SLC25A42: variants seen among roughly 807,000 people sequenced by gnomAD.
SLC25A42 encodes mitochondrial coenzyme A transporter SLC25A42.
In SLC25A42, 19 loss-of-function variants were observed where a neutral mutation model predicts 34.7. The ratio of observed to expected loss-of-function variants is 0.55; its 90% confidence interval spans 0.38 to 0.80. SLC25A42 has a LOEUF of 0.80. SLC25A42 is among the 30% of genes least tolerant of loss of function. SLC25A42 has a pLI of 0.00. For missense variants in SLC25A42, 364 were observed against 441.3 expected, an observed-to-expected ratio of 0.82 and a Z score of 1.57; for synonymous variants, 205 against 191.2, an observed-to-expected ratio of 1.07 and a Z score of -0.59.
chr19:19,105,193 G>A, intron 4 of SLC25A42: 1 of 582,810 alleles, frequency 1.7e-6, no homozygotes, highest in South Asian at 2.3e-5. Flanking sequence ...GTTAAACAGA[G>A]AGCAGGTGCT....
intron 2 of SLC25A42, among the ~76,000 whole-genome samples, chr19:19,098,068 C>A (rs2145917707): frequency 6.6e-6 from 1 of 152,314 alleles, no homozygotes; most frequent in Non-Finnish European, 1.5e-5. Flanking sequence ...GCCGACAAAT[C>A]CTTCTTTCGT....
At chr19:19,101,186 G>A (rs781463111) in intron 2 of SLC25A42, among the ~76,000 whole-genome samples, 1 of 152,174 alleles carries the variant, frequency 6.6e-6, no homozygotes, top group Non-Finnish European at 1.5e-5. Flanking sequence ...CCAGAGGACT[G>A]CAGAAAGCGA....
At chr19:19,098,463 G>T (rs754273047) in intron 2 of SLC25A42, among the ~76,000 whole-genome samples, 6 of 152,190 alleles carry the variant, frequency 3.9e-5, no homozygotes, top group Non-Finnish European at 7.3e-5. Flanking sequence ...GGGTGTGGTG[G>T]CACACATCTG....
chr19:19,068,247 C>T (rs751092200), intron 1 of SLC25A42, among the ~76,000 whole-genome samples: 2 of 151,052 alleles, frequency 1.3e-5, no homozygotes, highest in Non-Finnish European at 2.9e-5. Flanking sequence ...CCTAGCTACT[C>T]AGGAAGCTGA....
intron 2 of SLC25A42, among the ~76,000 whole-genome samples, chr19:19,097,849 G>A (rs1056222097): frequency 2.6e-5 from 4 of 152,100 alleles, no homozygotes; most frequent in Non-Finnish European, 4.4e-5. Flanking sequence ...TGTAATCCCA[G>A]CTCCGCATGA....
intron 1 of SLC25A42, among the ~76,000 whole-genome samples, chr19:19,086,982 G>A (rs896911278): frequency 3.3e-5 from 5 of 151,934 alleles, no homozygotes; most frequent in Admixed American, 2.6e-4. Context: ...GGGGGGGTGC[G>A]CTGGGTGGGG....
chr19:19,107,747 GGTT>G, intron 6 of SLC25A42, 144 bp from the exon 7 acceptor site: 1 of 749,550 alleles, frequency 1.3e-6, no homozygotes, highest in Non-Finnish European at 2.2e-6. Context: ...TGAGTGATGG[GGTT>G]ATATGTCTTG....
chr19:19,097,524 G>T (rs1568519320), intron 2 of SLC25A42, among the ~76,000 whole-genome samples: 2 of 152,344 alleles, frequency 1.3e-5, no homozygotes, highest in Admixed American at 6.5e-5. Flanking sequence ...GCAGAAATGC[G>T]CCAGTGCTGG....
At position 19,110,791 on chromosome 19, in the gene SLC25A42, A is replaced by G; in HGVS notation, c.872A>G (p.Asn291Ser). ...GGCCTCTACAAAGGCTTGAGCATGA[A>G]CTGGGTCAAGGGTCCCATCGCCGTG... ...VRGLYKGLSM[N>S]WVKGPIAVGI... The change falls in exon 8 of 8, where the codon AAC becomes AGC. Residue 291 changes from asparagine (N) to serine (S), a missense_variant. Physicochemically the swap from Asn to Ser is conservative, Grantham distance 46. Transcript: ENST00000318596. The G allele has an allele frequency of 6.2e-7, 1 of 1,613,808 alleles. No individual in the cohort carries two copies. The highest frequency in any genetic ancestry group is 8.5e-7 in the Non-Finnish European group (1 of 1,179,976).
At chr19:19,095,485 C>T (rs898557889) in intron 1 of SLC25A42, among the ~76,000 whole-genome samples, 5 of 152,036 alleles carry the variant, frequency 3.3e-5, no homozygotes, top group African/African-American at 9.7e-5. Flanking sequence ...TGGTAGCAGG[C>T]GCCTGTAGTC....
rs1194725533 is a variant in SLC25A42, at chr19:19,109,151, C to T, written c.649+1106C>T. On this transcript the variant is annotated intron_variant, in intron 7 of 7. Coordinates refer to ENST00000318596, the MANE Select transcript of SLC25A42 (RefSeq NM_178526.5). This position sits in a 1 kb window ranked among gnomAD's most constrained non-coding sequence, Gnocchi z 4.1. ...GCTCACCCGGGAGTGCAGCTCCCAG[C>T]TCAGCTGGTTTGGGGTGCATCCACC... Among the ~76,000 whole-genome samples the T allele has an allele frequency of 6.6e-6, 1 of 152,222 alleles. No homozygotes were observed. The highest frequency in any genetic ancestry group is 2.4e-5 in the African/African-American group (1 of 41,454).
chr19:19,103,027 C>T (rs374318650), intron 3 of SLC25A42, among the ~76,000 whole-genome samples: 5 of 152,146 alleles, frequency 3.3e-5, no homozygotes, highest in African/African-American at 1.2e-4. Context: ...ATTTCTGCCT[C>T]TGTCATCACG....
chr19:19,085,917 C>T (rs1289977586), intron 1 of SLC25A42, among the ~76,000 whole-genome samples: 1 of 152,196 alleles, frequency 6.6e-6, no homozygotes, highest in Non-Finnish European at 1.5e-5. Flanking sequence ...CCCTGAAAAC[C>T]AGGGCTGCCA....
At chr19:19,074,126 G>C (rs2059644320) in intron 1 of SLC25A42, among the ~76,000 whole-genome samples, 1 of 152,250 alleles carries the variant, frequency 6.6e-6, no homozygotes, top group East Asian at 1.9e-4. Context: ...TTTGGTGACA[G>C]GTGTGGGCAG....
At chr19:19,083,136 C>T (rs191399814) in intron 1 of SLC25A42, among the ~76,000 whole-genome samples, 192 of 152,128 alleles carry the variant, frequency 1.3e-3, no homozygotes, top group Non-Finnish European at 1.6e-3. Context: ...AATTTTTGTA[C>T]AAAATGAGAT....
chr19:19,072,309 G>A (rs925315076), intron 1 of SLC25A42, among the ~76,000 whole-genome samples: 39 of 152,214 alleles, frequency 2.6e-4, no homozygotes, highest in Admixed American at 2.6e-4. Context: ...TCACCCACTC[G>A]AGTGGCACTA....
intron 3 of SLC25A42, 122 bp downstream of exon 3, chr19:19,102,008 TTTG>T (rs1228403490): frequency 4.4e-6 from 3 of 684,624 alleles, no homozygotes; most frequent in Non-Finnish European, 7.2e-6. Context: ...AATAAGGTTT[TTTG>T]TTGTTTTTTT....
At chr19:19,095,463 A>G (rs2059759608) in intron 1 of SLC25A42, among the ~76,000 whole-genome samples, 1 of 152,094 alleles carries the variant, frequency 6.6e-6, no homozygotes, top group Admixed American at 6.6e-5. Context: ...AAAATAAAAA[A>G]TTAGCTGGGT....
At chr19:19,096,254 T>TGGGGGGCCCCCC in intron 2 of SLC25A42, 49 bp downstream of exon 2, 1 of 1,456,736 alleles carries the variant, frequency 6.9e-7, no homozygotes, top group Non-Finnish European at 9.4e-7. Flanking sequence ...GGCCCCAGCC[T>TGGGGGGCCCCCC]CCCCACCCCC....
Sources: gnomAD v4.1 joint callset for allele counts (sites outside exome capture counted in the v4.1 genomes callset) on GRCh38, gnomAD v4.1.1 for gene constraint, Gnocchi (gnomAD v3.1) non-coding constraint, MANE v1.5 for transcripts, NCBI Gene and HGNC (gene_info 2026-07-23, HGNC 2026-07-21) for gene names.